The following FMNL1 variants were observed in gnomAD, a reference collection of about 807,000 sequenced individuals.
FMNL1 encodes formin like 1.
In FMNL1, 43 loss-of-function variants were observed where a neutral mutation model predicts 121.3. That is an observed-to-expected ratio of 0.35 (90% CI 0.28 to 0.46). The LOEUF (loss-of-function observed/expected upper bound fraction) is 0.46. Ranked by LOEUF, FMNL1 falls within the 20% of genes least tolerant of loss-of-function variation. FMNL1 has a pLI of 1.00. For missense variants in FMNL1, 1,191 were observed against 1,482.4 expected, an observed-to-expected ratio of 0.80 and a Z score of 3.23; for synonymous variants, 613 against 613.5, an observed-to-expected ratio of 1.00 and a Z score of 0.01.
chr17:45,233,245 T>A lies in FMNL1; in HGVS notation c.349T>A (p.Ser117Thr). The A allele has an allele frequency of 6.4e-7, 1 of 1,559,874 alleles. No individual in the cohort carries two copies. The highest frequency in any genetic ancestry group is 8.7e-7 in the Non-Finnish European group (1 of 1,152,074). The change falls in exon 4 of 27, where the codon TCC (serine) becomes ACC (threonine). Residue 117 changes from serine (S) to threonine (T), a missense_variant. By Grantham distance (58) the Ser-to-Thr change is moderately conservative. Around this residue, in one of 4 missense-constraint regions of FMNL1, gnomAD observed 253 missense variants for 417.5 expected, o/e 0.61. Transcript: ENST00000331495. The surrounding 1 kb of genome is among the most constrained non-coding windows in gnomAD (Gnocchi z 4.1). ...CCAGTTTAAGAGGCGAGTTCAGGAG[T>A]CCACGCAGGTGCTACGGGAGCTGGA... is the stretch of plus-strand genomic sequence containing the variant. Reference protein sequence around the residue: ...NLGFKRRVQESTQVLRELETS... With the variant: ...NLGFKRRVQETTQVLRELETS...
rs939404873 is a variant in FMNL1 at position 45,247,219 on chromosome 17, C to T, written c.*361C>T. The T allele has an allele frequency of 4.5e-5, 23 of 508,664 alleles. No homozygotes were observed. Among genetic ancestry groups the T allele is most frequent in the African/African-American group, 4.0e-4 (21 of 52,270 alleles). The allele number at this position is 508,664 out of a possible 1,614,324, so 31.5% of individuals were successfully genotyped here. ...ATACTTAGCCTCAGCAGGAGCCTGG[C>T]CTGTAACTTATAAAGTGCACCTCGC... On this transcript the variant is annotated 3_prime_UTR_variant, in exon 27 of 27. Transcript: ENST00000331495.
At chr17:45,238,673 C>T (rs1396096261) in intron 10 of FMNL1, 35 bp downstream of exon 10, 6 of 1,612,646 alleles carry the variant, frequency 3.7e-6, no homozygotes, top group Non-Finnish European at 5.1e-6. Context: ...GAGGCCTGGG[C>T]CAGGCCCTCT....
Position 45,245,030 on chromosome 17 carries a change from G to T in FMNL1, c.2650G>T (p.Val884Leu). The change falls in exon 21 of 27, where the codon GTG (valine) becomes TTG (leucine). Residue 884 changes from valine to leucine, a missense_variant. Physicochemically the swap from Val to Leu is conservative, Grantham distance 32 (BLOSUM62 1). Transcript: ENST00000331495. ...DRKQTLLHYLVKVIAEKYPQL... is the reference protein window; with the variant it reads ...DRKQTLLHYLLKVIAEKYPQL... ...CAAGCAGACGCTGCTGCACTACCTGGTGAAGGTCATTGCTGAGAAGTACCC... is the reference window on the plus strand; with the variant it reads ...CAAGCAGACGCTGCTGCACTACCTGTTGAAGGTCATTGCTGAGAAGTACCC... The T allele has an allele frequency of 6.2e-7, 1 of 1,614,216 alleles. No homozygotes were observed. Among genetic ancestry groups the T allele is most frequent in the Non-Finnish European group, 8.5e-7 (1 of 1,180,020 alleles).
intron 2 of FMNL1, 87 bp downstream of exon 2, chr17:45,230,774 C>T: frequency 7.3e-7 from 1 of 1,375,178 alleles, no homozygotes; most frequent in Non-Finnish European, 1.0e-6. Context: ...GAGAGGGGCA[C>T]CGCCATACTG....
Position 45,242,393 on chromosome 17 carries a change from C to A in FMNL1, c.1938C>A (p.Asn646Lys). ...IQTKFRMPLL[N>K]WVALKPSQIT... ...CTAAGTTCCGAATGCCACTCTTGAA[C>A]TGGGTGGCACTGAAACCCAGCCAGA... The change falls in exon 16 of 27, where the codon AAC becomes AAA. Residue 646 changes from asparagine to lysine, a missense_variant. By Grantham distance (94) the Asn-to-Lys change is moderately conservative. Around this residue, in one of 4 missense-constraint regions of FMNL1, gnomAD observed 519 missense variants for 492.8 expected, o/e 1.05. Coordinates refer to ENST00000331495, the MANE Select transcript of FMNL1 (RefSeq NM_005892.4). 1 of 1,614,126 alleles carries A rather than the reference C, an allele frequency of 6.2e-7. No individual in the cohort carries two copies. The highest frequency in any genetic ancestry group is 8.5e-7 in the Non-Finnish European group (1 of 1,179,962).
rs2043239131 is a variant in FMNL1 at position 45,222,175 on chromosome 17, G to T, written c.51G>T (p.Pro17=). Residue 17 remains proline, a synonymous_variant, in exon 1 of 27, where the codon CCG becomes CCT. Coordinates refer to ENST00000331495, the MANE Select transcript of FMNL1 (RefSeq NM_005892.4). ...SAEQPAGPAA[P]PPKQPAPPKQ... ...AGCAGCCCGCGGGCCCCGCCGCGCC[G>T]CCCCCCAAGCAGCCCGCGCCTCCCA... 1 of 1,216,728 alleles carries T rather than the reference G, an allele frequency of 8.2e-7. No homozygotes were observed. Among genetic ancestry groups the T allele is most frequent in the Non-Finnish European group, 1.0e-6 (1 of 977,822 alleles). The allele number at this position is 1,216,728 out of a possible 1,614,324, so 75.4% of individuals were successfully genotyped here. A position where few individuals can be genotyped will look rare whatever the true frequency, so the allele number is the denominator to read the frequency against.
At chr17:45,246,378 T>C in intron 25 of FMNL1, 48 bp downstream of exon 25, 1 of 1,614,066 alleles carries the variant, frequency 6.2e-7, no homozygotes, top group Non-Finnish European at 8.5e-7. Flanking sequence ...TGTCCTTCTA[T>C]GCTTTCTTCT....
intron 15 of FMNL1, 52 bp downstream of exon 15, chr17:45,242,198 G>C: frequency 6.5e-7 from 1 of 1,529,242 alleles, no homozygotes; most frequent in Non-Finnish European, 8.8e-7. Flanking sequence ...ATGGAGGGAG[G>C]GGCCTGGGCC....
At chr17:45,234,619 G>A (rs1198266523) in intron 6 of FMNL1, 20 of 200,460 alleles carry the variant, frequency 1.0e-4, no homozygotes, top group Non-Finnish European at 1.4e-4. Context: ...AGCTGAGATC[G>A]CACCACTGCA....
chr17:45,242,499 C>T (rs750993643), intron 16 of FMNL1, 34 bp downstream of exon 16: 1 of 1,602,068 alleles, frequency 6.2e-7, no homozygotes, highest in South Asian at 1.1e-5. Context: ...CATGTGGGCA[C>T]CGGAGGAAGA....
chr17:45,235,030 T>C (rs1240787338), intron 6 of FMNL1, among the ~76,000 whole-genome samples: 1 of 152,252 alleles, frequency 6.6e-6, no homozygotes, highest in Non-Finnish European at 1.5e-5. Flanking sequence ...CTAGAGCATC[T>C]TGTGAATCCC....
rs1800721 is a variant in FMNL1 at position 45,246,206 on chromosome 17, C to A, written c.3091-4C>A. On this transcript the variant is annotated splice_region_variant and splice_polypyrimidine_tract_variant and intron_variant, in intron 24 of 26. Coordinates refer to ENST00000331495, the MANE Select transcript of FMNL1 (RefSeq NM_005892.4). Reference sequence around the variant, plus strand: ...CTGGAGCTGGAGCTATAAATTCCCCCTAGTCACCGCCAAAGGCCCGGCGGC... The same window carrying A: ...CTGGAGCTGGAGCTATAAATTCCCCATAGTCACCGCCAAAGGCCCGGCGGC... 4 of 1,604,446 alleles carry A rather than the reference C, an allele frequency of 2.5e-6. No homozygotes were observed. In the East Asian group the frequency reaches 9.0e-5, roughly 36 times the overall value.
intron 11 of FMNL1, 38 bp from the exon 12 acceptor site, chr17:45,240,438 C>CA: frequency 6.3e-7 from 1 of 1,581,580 alleles, no homozygotes. Flanking sequence ...CCCACACACA[C>CA]ACCAGGCCTC....
intron 2 of FMNL1, 67 bp from the exon 3 acceptor site, chr17:45,232,300 G>A (rs2043455562): frequency 3.5e-6 from 5 of 1,439,012 alleles, no homozygotes; most frequent in East Asian, 4.6e-5. Flanking sequence ...ACACTGGGAC[G>A]AGAACTGGTC....
chr17:45,238,886 G>A lies in FMNL1; in HGVS notation c.970-69G>A, dbSNP rs553382887. ...GGAGAAGGAGGGAGGCTTGGGGTAA[G>A]TGGAGGTGGAAGGCATTGAGCAACC... On this transcript the variant is annotated intron_variant, in intron 10 of 26. Coordinates refer to ENST00000331495, the MANE Select transcript of FMNL1 (RefSeq NM_005892.4). 29 of 1,337,878 alleles carry A rather than the reference G, an allele frequency of 2.2e-5. 1 individual carries two copies. The South Asian group carries it at 3.4e-4, about 16-fold the overall frequency. The allele number at this position is 1,337,878 out of a possible 1,614,324, so 82.9% of individuals were successfully genotyped here.
intron 1 of FMNL1, 115 bp downstream of exon 1, chr17:45,222,368 C>A: frequency 3.4e-6 from 3 of 874,844 alleles, no homozygotes; most frequent in Non-Finnish European, 2.9e-6. Context: ...GATCCCCGGT[C>A]CGGCAGCTGC....
In FMNL1 at chr17:45,245,932, G is replaced by C. The variant is rs143059535; in HGVS notation, c.3049G>C (p.Gly1017Arg). The C allele has an allele frequency of 1.3e-5, 21 of 1,587,066 alleles. No individual in the cohort carries two copies. The African/African-American group carries it at 2.6e-4, about 20-fold the overall frequency. ...AAAAGAAGCCGCTGCCCAGGAGGCAGGCGCTGATACCCCGGGCAAAGGGGA... is the reference window on the plus strand; with the variant it reads ...AAAAGAAGCCGCTGCCCAGGAGGCACGCGCTGATACCCCGGGCAAAGGGGA... Reference protein sequence around the residue: ...WKKEAAAQEAGADTPGKGEPP... With the variant: ...WKKEAAAQEARADTPGKGEPP... The change falls in exon 24 of 27, where the codon GGC becomes CGC. Residue 1017 changes from glycine (G) to arginine (R), a missense_variant. Gly to Arg is a moderately radical substitution (Grantham distance 125). Coordinates refer to ENST00000331495, the MANE Select transcript of FMNL1 (RefSeq NM_005892.4).
chr17:45,235,903 G>A lies in FMNL1; in HGVS notation c.615-233G>A, dbSNP rs1033000327. On this transcript the variant is annotated intron_variant, in intron 6 of 26. Coordinates refer to ENST00000331495, the MANE Select transcript of FMNL1 (RefSeq NM_005892.4). The stretch of plus-strand genomic sequence containing the variant: ...CTTCTATAGACCCTCACCCTACCAA[G>A]TCCCTGGGAAGTGTCTTTGCTTCTG... 2.6e-5 allele frequency among the ~76,000 whole-genome samples: 4 copies of A among 152,322 alleles called. No homozygotes were observed. In the South Asian group the frequency reaches 6.2e-4, roughly 24 times the overall value.
intron 21 of FMNL1, 32 bp from the exon 22 acceptor site, chr17:45,245,221 A>G: frequency 1.9e-6 from 3 of 1,613,708 alleles, no homozygotes; most frequent in Non-Finnish European, 2.5e-6. Flanking sequence ...TCTCCGATTC[A>G]CTGACCTGAT....
Sources: allele counts gnomAD v4.1 joint callset (sites outside exome capture counted in the v4.1 genomes callset), GRCh38; gene constraint gnomAD v4.1.1; regional missense constraint gnomAD v4.1.1; non-coding constraint Gnocchi (gnomAD v3.1); transcripts MANE v1.5; gene names NCBI Gene and HGNC (gene_info 2026-07-23, HGNC 2026-07-21).